Variants in ENTREP2 observed in about 807,000 individuals in gnomAD.
ENTREP2 encodes the protein endosomal transmembrane epsin interactor 2, also known as protein ENTREP2.
chr15:29,211,284 C>A, the ENTREP2 span, among the ~76,000 whole-genome samples: 1 of 152,200 alleles, frequency 6.6e-6, no homozygotes, highest in East Asian at 1.9e-4. Flanking sequence ...GTTCTGTGAC[C>A]GTGGTGCTGT....
the ENTREP2 span, among the ~76,000 whole-genome samples, chr15:29,270,797 C>G: frequency 0.029 from 4,398 of 152,306 alleles, 200 homozygotes; most frequent in African/African-American, 0.085. Context: ...GCCATGACTT[C>G]TACAGATCTT....
At chr15:29,216,049 G>T in the ENTREP2 span, among the ~76,000 whole-genome samples, 6 of 152,092 alleles carry the variant, frequency 3.9e-5, no homozygotes, top group Admixed American at 3.3e-4. Flanking sequence ...TTGTATTTTT[G>T]TTTTATAGGT....
At chr15:29,387,212 CTGT>C in the ENTREP2 span, among the ~76,000 whole-genome samples, 2 of 152,104 alleles carry the variant, frequency 1.3e-5, no homozygotes, top group Admixed American at 1.3e-4. Flanking sequence ...GCATGAAGGG[CTGT>C]TGAATTTTGT....
the ENTREP2 span, among the ~76,000 whole-genome samples, chr15:29,602,906 T>A: frequency 6.6e-6 from 1 of 152,164 alleles, no homozygotes; most frequent in Non-Finnish European, 1.5e-5. Flanking sequence ...AGGAAGGTTT[T>A]CCAGGCCAAG....
chr15:29,566,041 CAT>C, the ENTREP2 span, among the ~76,000 whole-genome samples: 1 of 151,968 alleles, frequency 6.6e-6, no homozygotes, highest in Non-Finnish European at 1.5e-5. Flanking sequence ...TAAAGGGAAG[CAT>C]GGAAGGATTG....
At chr15:29,668,741 C>T in the ENTREP2 span, among the ~76,000 whole-genome samples, 1 of 152,204 alleles carries the variant, frequency 6.6e-6, no homozygotes, top group Non-Finnish European at 1.5e-5. Context: ...ATAGGCTTCT[C>T]TGACATTCCC....
At chr15:29,570,448 G>A in the ENTREP2 span, 6 of 1,118,488 alleles carry the variant, frequency 5.4e-6, no homozygotes, top group Non-Finnish European at 6.7e-6. Flanking sequence ...GCAGCGCCTA[G>A]CCCCCCCGGC....
the ENTREP2 span, among the ~76,000 whole-genome samples, chr15:29,620,877 A>G: frequency 6.6e-6 from 1 of 152,084 alleles, no homozygotes; most frequent in Non-Finnish European, 1.5e-5. Flanking sequence ...TCATTTGATC[A>G]GTTCATTTAT....
chr15:29,235,255 C>T, the ENTREP2 span: 1 of 503,762 alleles, frequency 2.0e-6, no homozygotes, highest in Admixed American at 3.6e-5. Flanking sequence ...ATAAGGAAAG[C>T]TTCTGTTTTC....
At chr15:29,570,560 G>A in the ENTREP2 span, 2 of 1,469,408 alleles carry the variant, frequency 1.4e-6, no homozygotes, top group Non-Finnish European at 9.0e-7. Flanking sequence ...GGTGGTGAGC[G>A]CCAGCGCGGC....
chr15:29,279,013 C>T, the ENTREP2 span, among the ~76,000 whole-genome samples: 1 of 152,178 alleles, frequency 6.6e-6, no homozygotes, highest in Non-Finnish European at 1.5e-5. Flanking sequence ...GCATGTACAT[C>T]CCTGGTGTCT....
At chr15:29,495,314 A>G in the ENTREP2 span, among the ~76,000 whole-genome samples, 1 of 152,202 alleles carries the variant, frequency 6.6e-6, no homozygotes, top group East Asian at 1.9e-4. Context: ...ACTTTTTCAC[A>G]TACTTGTTGC....
At chr15:29,176,115 C>T in the ENTREP2 span, among the ~76,000 whole-genome samples, 3 of 152,248 alleles carry the variant, frequency 2.0e-5, no homozygotes, top group African/African-American at 7.2e-5. Context: ...AGCCTTTCGC[C>T]TCTTGAGTAC....
At chr15:29,624,004 C>T in the ENTREP2 span, among the ~76,000 whole-genome samples, 3 of 152,222 alleles carry the variant, frequency 2.0e-5, no homozygotes, top group African/African-American at 7.2e-5. Context: ...TCCCAAAGTG[C>T]TGGGATTATA....
At chr15:29,243,073 G>A in the ENTREP2 span, among the ~76,000 whole-genome samples, 41 of 152,206 alleles carry the variant, frequency 2.7e-4, 1 homozygote, top group Admixed American at 3.9e-4. Flanking sequence ...GCTGGACAGC[G>A]CTCCGAGTCC....
the ENTREP2 span, among the ~76,000 whole-genome samples, chr15:29,597,934 C>A: frequency 3.9e-5 from 6 of 152,012 alleles, no homozygotes; most frequent in Admixed American, 2.6e-4. Context: ...CCAGCCTGGG[C>A]AACATGATGA....
At chr15:29,295,496 G>A in the ENTREP2 span, among the ~76,000 whole-genome samples, 1 of 152,204 alleles carries the variant, frequency 6.6e-6, no homozygotes, top group African/African-American at 2.4e-5. Context: ...AAGACCCCCA[G>A]TGGATACGTG....
At chr15:29,348,311 G>A in the ENTREP2 span, among the ~76,000 whole-genome samples, 130 of 151,906 alleles carry the variant, frequency 8.6e-4, no homozygotes, top group African/African-American at 3.0e-3. Flanking sequence ...GGTAAGTGGG[G>A]GAAATGGAAA....
chr15:29,166,029 A>G, the ENTREP2 span, among the ~76,000 whole-genome samples: 1 of 152,266 alleles, frequency 6.6e-6, no homozygotes, highest in East Asian at 1.9e-4. Flanking sequence ...ATGCAAGTCA[A>G]TAAATGTGAC....
Sources: gnomAD v4.1 joint callset for allele counts (sites outside exome capture counted in the v4.1 genomes callset) on GRCh38, gnomAD v4.1.1 for gene constraint, MANE v1.5 for transcripts, NCBI Gene and HGNC (gene_info 2026-07-23, HGNC 2026-07-21) for gene names.